HSPH1: variants seen among roughly 807,000 people sequenced by gnomAD.
HSPH1 encodes heat shock protein family H (Hsp110) member 1, also known as heat shock protein 105 kDa.
In HSPH1, 40 loss-of-function variants were observed where a neutral mutation model predicts 100.0. The ratio of observed to expected loss-of-function variants is 0.40; its 90% CI spans 0.31 to 0.52. The LOEUF is 0.52. Ranked by LOEUF, HSPH1 falls within the 20% of genes least tolerant of loss-of-function variation. The pLI is 0.54. For missense variants in HSPH1, 876 were observed against 1,015.1 expected (o/e 0.86, Z 1.86); for synonymous variants, 403 against 344.0 (o/e 1.17, Z -1.90).
intron 13 of HSPH1, 59 bp downstream of exon 13, chr13:31,141,063 T>TA: frequency 1.9e-6 from 2 of 1,079,768 alleles, no homozygotes; most frequent in Non-Finnish European, 1.3e-6. Context: ...GAAATATAGA[T>TA]ATCAGGGCCA....
At chr13:31,151,404 T>G (rs1467981584) in intron 6 of HSPH1, 5 of 681,876 alleles carry the variant, frequency 7.3e-6, no homozygotes, top group Non-Finnish European at 1.2e-5. Context: ...GCCTTTTCTT[T>G]CCTAAACAAG....
At chr13:31,155,330 T>A (rs374162877) in intron 3 of HSPH1, among the ~76,000 whole-genome samples, 184 bp downstream of exon 3, 2 of 152,300 alleles carry the variant, frequency 1.3e-5, no homozygotes, top group East Asian at 3.9e-4. Flanking sequence ...GCATATATAT[T>A]ACCATTTGAA....
intron 1 of HSPH1, among the ~76,000 whole-genome samples, chr13:31,161,100 G>A (rs1421880096): frequency 6.6e-6 from 1 of 152,200 alleles, no homozygotes; most frequent in African/African-American, 2.4e-5. Flanking sequence ...GGGATACGGG[G>A]GCGGCCGCGG....
intron 10 of HSPH1, among the ~76,000 whole-genome samples, chr13:31,146,912 C>T (rs907468437): frequency 6.6e-6 from 1 of 152,148 alleles, no homozygotes; most frequent in Admixed American, 6.6e-5. Flanking sequence ...ATTTAAAGTG[C>T]TGTCTATATA....
At chr13:31,149,843 T>C in intron 8 of HSPH1, 111 bp downstream of exon 8, 3 of 810,860 alleles carry the variant, frequency 3.7e-6, no homozygotes, top group Middle Eastern at 2.3e-4. Flanking sequence ...TTGTTTAAAA[T>C]GTCCTTCTGC....
chr13:31,161,990 C>G, upstream of HSPH1: 1 of 1,536,072 alleles, frequency 6.5e-7, no homozygotes, highest in East Asian at 2.4e-5. Context: ...ACCGGCGCCT[C>G]CACCGGCCCC....
Position 31,140,195 on chromosome 13 carries a change from T to C in HSPH1, c.1969A>G (p.Ile657Val), listed in dbSNP as rs752822342. Reference sequence around the variant, plus strand: ...GCTCTAAGACATACCTGCTCACATATAAATTTTTCATATGGTCCACACAGC... The same window carrying C: ...GCTCTAAGACATACCTGCTCACATACAAATTTTTCATATGGTCCACACAGC... ...DKLCGPYEKF[I>V]CEQDHQNFLR... Residue 657 changes from isoleucine (I) to valine (V), a missense_variant, in exon 14 of 18, where the codon ATA (isoleucine) becomes GTA (valine). Transcript: ENST00000320027. The C allele has an allele frequency of 1.2e-6, 2 of 1,611,196 alleles. No individual in the cohort carries two copies. Among genetic ancestry groups the C allele is most frequent in the Non-Finnish European group, 1.7e-6 (2 of 1,178,320 alleles).
In HSPH1 at chr13:31,145,725, T is replaced by G; in HGVS notation, c.1422A>C (p.Glu474Asp). Residue 474 changes from glutamate to aspartate, a missense_variant, in exon 11 of 18, where the codon GAA becomes GAC. Glu to Asp is a conservative substitution (Grantham distance 45). Transcript: ENST00000320027. ...VQNVSAQKDG[E>D]KSRVKVKVRV... ...GCACTTTGACTTTTACTCTAGATTTTTCTCCATCTTTCTGTGCAGAAACAT... is the reference window on the plus strand; with the variant it reads ...GCACTTTGACTTTTACTCTAGATTTGTCTCCATCTTTCTGTGCAGAAACAT... 1 of 1,613,636 alleles carries G rather than the reference T, an allele frequency of 6.2e-7. No individual in the cohort carries two copies. Among genetic ancestry groups the G allele is most frequent in the South Asian group, 1.1e-5 (1 of 91,076 alleles).
At chr13:31,140,492 T>A (rs1956050126) in intron 13 of HSPH1, 183 bp from the exon 14 acceptor site, 1 of 406,634 alleles carries the variant, frequency 2.5e-6, no homozygotes, top group South Asian at 7.1e-5. Flanking sequence ...TTCTAAATAC[T>A]CAGGCTGAAG....
upstream of HSPH1, chr13:31,162,158 C>T (rs1956948740): frequency 7.0e-7 from 1 of 1,437,924 alleles, no homozygotes; most frequent in African/African-American, 1.4e-5. Context: ...CCCGCCCTAG[C>T]CACAGGCGTT....
In HSPH1 at chr13:31,159,879, A is replaced by C. The variant is rs1275684571; in HGVS notation, c.108-1016T>G. On this transcript the variant is annotated intron_variant, in intron 1 of 17. Transcript: ENST00000320027. The stretch of plus-strand genomic sequence containing the variant: ...GAAGTGTCCAAGCAGAAGCTAGACA[A>C]GAAACCGTCAAAATCAGAGCATCAC... Among the ~76,000 whole-genome samples, 9 of 152,210 alleles carry C rather than the reference A, an allele frequency of 5.9e-5. No homozygotes were observed. In the East Asian group the frequency reaches 1.2e-3, roughly 20 times the overall value.
chr13:31,137,107 TC>T lies in HSPH1; in HGVS notation c.*210del. The T allele has an allele frequency of 1.4e-6, 1 of 718,672 alleles. No individual in the cohort carries two copies. The highest frequency in any genetic ancestry group is 1.4e-5 in the South Asian group (1 of 71,232). 44.5% of individuals were successfully genotyped at this position (718,672 alleles called of 1,614,324 possible). ...AGAAAGCTTAGTATGAATTCACAAT[TC>T]CACAGGAATCTGAAAGTTACCAAGG... On this transcript the variant is annotated 3_prime_UTR_variant, in exon 18 of 18. Transcript: ENST00000320027.
Position 31,148,051 on chromosome 13 carries a change from G to C in HSPH1, c.1286C>G (p.Ser429Cys). 6.2e-7 allele frequency: 1 copy of C among 1,610,920 alleles called. No individual in the cohort carries two copies. The highest frequency in any genetic ancestry group is 8.5e-7 in the Non-Finnish European group (1 of 1,178,836). ...CCTTCTCAGAAAGGTGAGAACTTTG[G>C]AGAAAGGAGCAGCATGGTTTCGACT... ...VFSRNHAAPF[S>C]KVLTFLRRGP... Residue 429 changes from serine to cysteine, a missense_variant, in exon 10 of 18, where the codon TCC (serine) becomes TGC (cysteine). Coordinates refer to ENST00000320027, the MANE Select transcript of HSPH1 (RefSeq NM_006644.4).
At chr13:31,156,421 G>A (rs1956696126) in intron 2 of HSPH1, among the ~76,000 whole-genome samples, 1 of 151,920 alleles carries the variant, frequency 6.6e-6, no homozygotes, top group South Asian at 2.1e-4. Context: ...TTTTATAGCT[G>A]GGCATGGCAG....
intron 4 of HSPH1, 74 bp downstream of exon 4, chr13:31,154,558 AC>A: frequency 6.5e-7 from 1 of 1,541,060 alleles, no homozygotes; most frequent in Non-Finnish European, 9.0e-7. Context: ...CAGCTTTCCC[AC>A]ATTTCATACT....
chr13:31,149,369 T>C (rs1321418009), intron 8 of HSPH1, among the ~76,000 whole-genome samples: 1 of 152,070 alleles, frequency 6.6e-6, no homozygotes, highest in Non-Finnish European at 1.5e-5. Flanking sequence ...TGAAACTTTA[T>C]TTAAAACTAT....
At chr13:31,159,608 GT>G (rs1956823985) in intron 1 of HSPH1, among the ~76,000 whole-genome samples, 1 of 152,152 alleles carries the variant, frequency 6.6e-6, no homozygotes, top group Admixed American at 6.5e-5. Flanking sequence ...TGAGAAGAAG[GT>G]AAGTGAATTA....
chr13:31,138,481 T>A lies in HSPH1; in HGVS notation c.2296A>T (p.Met766Leu). The change falls in exon 17 of 18, where the codon ATG becomes TTG. Residue 766 changes from methionine to leucine, a missense_variant. By Grantham distance (15) the Met-to-Leu change is conservative. Coordinates refer to ENST00000320027, the MANE Select transcript of HSPH1 (RefSeq NM_006644.4). ...AGACTCTTTTTAGCCTGAGCATTCA[T>A]GACATTATTCATCCATTCCATCACT... ...NEVMEWMNNV[M>L]NAQAKKSLDQ... 1 of 1,613,328 alleles carries A rather than the reference T, an allele frequency of 6.2e-7. No individual in the cohort carries two copies. The highest frequency in any genetic ancestry group is 1.1e-5 in the South Asian group (1 of 91,040).
At chr13:31,162,258 A>T (rs1821910662), upstream of HSPH1, 3 of 689,314 alleles carry the variant, frequency 4.4e-6, no homozygotes, top group Non-Finnish European at 7.3e-6. Context: ...CCGATCCTTA[A>T]CGCTAAAGGG....
Sources: gnomAD v4.1 joint callset for allele counts (sites outside exome capture counted in the v4.1 genomes callset) on GRCh38, gnomAD v4.1.1 for gene constraint, MANE v1.5 for transcripts, NCBI Gene and HGNC (gene_info 2026-07-23, HGNC 2026-07-21) for gene names.